SMOC2: variants seen among roughly 807,000 people sequenced by gnomAD.
The protein encoded by SMOC2 is SPARC-related modular calcium-binding protein 2.
SMOC2 carries 39 observed loss-of-function variants against 61.4 expected under a neutral mutation model. The ratio of observed to expected loss-of-function variants is 0.64; its 90% CI spans 0.49 to 0.83. SMOC2 has a LOEUF of 0.83. SMOC2 is among the 40% of genes least tolerant of loss of function. The pLI is 0.00. For synonymous variants in SMOC2, 247 were observed against 239.9 expected, an observed-to-expected ratio of 1.03 and a Z score of -0.27; for missense variants, 556 against 592.9, an observed-to-expected ratio of 0.94 and a Z score of 0.65.
At chr6:168,515,831 C>G (rs1353206111) in intron 2 of SMOC2, among the ~76,000 whole-genome samples, 2 of 151,892 alleles carry the variant, frequency 1.3e-5, no homozygotes, top group Non-Finnish European at 3.0e-5. Flanking sequence ...GCTTCTGTTT[C>G]CCTCTAAGAG....
chr6:168,524,365 A>G lies in SMOC2; in HGVS notation c.257-1981A>G, dbSNP rs547255810. ...TCTTAATTGTTTCCTATGACTAAATAGTTTGCCATAGGCTAGACGTAAACT... is the reference window on the plus strand; with the variant it reads ...TCTTAATTGTTTCCTATGACTAAATGGTTTGCCATAGGCTAGACGTAAACT... On this transcript the variant is annotated intron_variant, in intron 2 of 12. Transcript: ENST00000356284. 2.2e-4 allele frequency among the ~76,000 whole-genome samples: 33 copies of G among 152,342 alleles called. No individual in the cohort carries two copies. The South Asian group carries it at 3.3e-3, about 15-fold the overall frequency.
chr6:168,456,531 G>A (rs1329730859), intron 1 of SMOC2, among the ~76,000 whole-genome samples: 2 of 152,184 alleles, frequency 1.3e-5, no homozygotes, highest in African/African-American at 2.4e-5. Context: ...GAGACTCCCC[G>A]GTGCCACTTG....
intron 9 of SMOC2, among the ~76,000 whole-genome samples, chr6:168,612,226 G>A (rs1232757424): frequency 2.0e-5 from 3 of 148,546 alleles, no homozygotes; most frequent in Admixed American, 6.7e-5. Context: ...CGGGGAGAGG[G>A]TGACTGCAGC....
chr6:168,441,555 C>T (rs947686618), intron 1 of SMOC2, 101 bp downstream of exon 1: 69 of 1,343,486 alleles, frequency 5.1e-5, no homozygotes, highest in Non-Finnish European at 6.5e-5. Flanking sequence ...GGCGCCTGGG[C>T]ACGGGGAGCA....
chr6:168,608,348 T>C, intron 9 of SMOC2, 109 bp downstream of exon 9: 1 of 1,265,046 alleles, frequency 7.9e-7, no homozygotes, highest in Non-Finnish European at 1.1e-6. Flanking sequence ...AGGGGGCCTG[T>C]CTGACTCTGA....
At chr6:168,586,822 A>T (rs1040799509) in intron 7 of SMOC2, among the ~76,000 whole-genome samples, 2 of 152,202 alleles carry the variant, frequency 1.3e-5, no homozygotes, top group African/African-American at 4.8e-5. Context: ...GCTTGTACTT[A>T]GGACTTTGTC....
At chr6:168,602,157 AG>A (rs1328804384) in intron 8 of SMOC2, among the ~76,000 whole-genome samples, 1 of 152,166 alleles carries the variant, frequency 6.6e-6, no homozygotes, top group Non-Finnish European at 1.5e-5. Context: ...ACACTCTTCC[AG>A]GGGGGTGTCG....
intron 9 of SMOC2, among the ~76,000 whole-genome samples, chr6:168,616,515 G>A (rs889228331): frequency 1.3e-5 from 2 of 152,170 alleles, no homozygotes; most frequent in Admixed American, 6.5e-5. Flanking sequence ...GTAGGGCTGG[G>A]GAGTCCCAGA....
intron 7 of SMOC2, among the ~76,000 whole-genome samples, chr6:168,590,677 G>A (rs557181300): frequency 1.2e-4 from 18 of 152,240 alleles, no homozygotes; most frequent in South Asian, 2.1e-4. Context: ...CATGTGATTC[G>A]TTCTTGCTTT....
At chr6:168,636,110 C>T (rs1279816873) in intron 9 of SMOC2, among the ~76,000 whole-genome samples, 1 of 152,192 alleles carries the variant, frequency 6.6e-6, no homozygotes, top group Non-Finnish European at 1.5e-5. Context: ...GAAGTGTCTG[C>T]ACTCAGAGCT....
At chr6:168,548,181 G>A (rs1034371820) in intron 6 of SMOC2, among the ~76,000 whole-genome samples, 1 of 152,118 alleles carries the variant, frequency 6.6e-6, no homozygotes, top group Non-Finnish European at 1.5e-5. Context: ...TACACAATGT[G>A]TGATCTGCTG....
At position 168,441,335 on chromosome 6, in the gene SMOC2, C is replaced by G. The variant is rs1263299378; in HGVS notation, c.-36C>G. The G allele has an allele frequency of 6.7e-7, 1 of 1,495,870 alleles. No individual in the cohort carries two copies. Among genetic ancestry groups the G allele is most frequent in the African/African-American group, 1.5e-5 (1 of 68,538 alleles). 92.7% of individuals were successfully genotyped at this position (1,495,870 alleles called of 1,614,324 possible). ...CCGGCTGCAGTGCCAGGGCGCAGGA[C>G]GCGGCCGATCTCCCGCTCCCGCCAC... On this transcript the variant is annotated 5_prime_UTR_variant, in exon 1 of 13. Coordinates refer to ENST00000356284, the MANE Select transcript of SMOC2 (RefSeq NM_001166412.2).
Position 168,512,861 on chromosome 6 carries a change from C to T in SMOC2, c.256+2775C>T, listed in dbSNP as rs552918955. Among the ~76,000 whole-genome samples, 186 of 152,256 alleles carry T rather than the reference C, an allele frequency of 1.2e-3. 1 individual carries two copies. The highest frequency in any genetic ancestry group is 6.8e-3 in the Middle Eastern group (2 of 294). On this transcript the variant is annotated intron_variant, in intron 2 of 12. Coordinates refer to ENST00000356284, the MANE Select transcript of SMOC2 (RefSeq NM_001166412.2). ...CCACACATTGACCCTCCAGTGTACCCGCACACTGAGGAGCTGACTCCATCT... is the reference window on the plus strand; with the variant it reads ...CCACACATTGACCCTCCAGTGTACCTGCACACTGAGGAGCTGACTCCATCT...
chr6:168,606,011 T>C (rs115752459), intron 8 of SMOC2, among the ~76,000 whole-genome samples: 1,697 of 152,290 alleles, frequency 0.011, 30 homozygotes, highest in African/African-American at 0.036. Context: ...ATTCGGCCCC[T>C]GAGACACTGA....
chr6:168,548,472 C>T (rs1000428943), intron 6 of SMOC2, among the ~76,000 whole-genome samples: 7 of 151,710 alleles, frequency 4.6e-5, no homozygotes, highest in African/African-American at 1.7e-4. Context: ...ATTCTCCTGC[C>T]TCAGCCTCAG....
At chr6:168,637,193 T>TA (rs1252707994) in intron 9 of SMOC2, among the ~76,000 whole-genome samples, 1 of 152,092 alleles carries the variant, frequency 6.6e-6, no homozygotes, top group Non-Finnish European at 1.5e-5. Flanking sequence ...AATAGCATAT[T>TA]AACCATGTCT....
chr6:168,519,295 C>A (rs1783267360), intron 2 of SMOC2, among the ~76,000 whole-genome samples: 1 of 152,030 alleles, frequency 6.6e-6, no homozygotes. Context: ...GTCCGTGATT[C>A]TTTCTGTGCC....
intron 1 of SMOC2, among the ~76,000 whole-genome samples, chr6:168,477,717 G>T (rs1782120051): frequency 6.6e-6 from 1 of 152,082 alleles, no homozygotes; most frequent in Admixed American, 6.5e-5. Context: ...GTTGTAGGGG[G>T]AGTCAGAACA....
intron 1 of SMOC2, among the ~76,000 whole-genome samples, chr6:168,448,600 G>A (rs371995863): frequency 8.6e-5 from 13 of 150,868 alleles, no homozygotes; most frequent in Non-Finnish European, 1.6e-4. Flanking sequence ...TGGGGAGGAC[G>A]ATGATGGGGA....
Sources: allele counts gnomAD v4.1 joint callset (sites outside exome capture counted in the v4.1 genomes callset), GRCh38; gene constraint gnomAD v4.1.1; transcripts MANE v1.5; gene names NCBI Gene and HGNC (gene_info 2026-07-23, HGNC 2026-07-21).